Variants in ZYG11B observed in about 807,000 individuals in gnomAD.
The protein encoded by ZYG11B is zyg-11 family member B, cell cycle regulator, also known as protein zyg-11 homolog B.
A neutral mutation model predicts 82.4 loss-of-function variants in ZYG11B; 36 were observed. The ratio of observed to expected loss-of-function variants is 0.44; its 90% CI spans 0.33 to 0.58. The LOEUF (loss-of-function observed/expected upper bound fraction) is 0.58. Among genes scored for constraint, ZYG11B ranks in the 20% least tolerant of loss-of-function variants. ZYG11B has a pLI of 0.02. For synonymous variants in ZYG11B, 303 were observed against 312.8 expected (o/e 0.97, Z 0.33); for missense variants, 552 against 895.6 (o/e 0.62, Z 4.90).
At chr1:52,801,723 A>G (rs1645077160) in intron 8 of ZYG11B, 96 bp from the exon 9 acceptor site, 1 of 1,026,596 alleles carries the variant, frequency 9.7e-7, no homozygotes. Context: ...GCTTTAAGCC[A>G]TGAGACTAAT....
At chr1:52,817,635 C>T (rs1171029564) in intron 13 of ZYG11B, among the ~76,000 whole-genome samples, 2 of 150,656 alleles carry the variant, frequency 1.3e-5, no homozygotes, top group African/African-American at 2.4e-5. Context: ...ATCTGCCTGC[C>T]TCTTCCTCCC....
chr1:52,797,517 A>T (rs187679508), intron 8 of ZYG11B, among the ~76,000 whole-genome samples: 4,869 of 95,762 alleles, frequency 0.051, 281 homozygotes, highest in African/African-American at 0.15. Context: ...ATATATATAT[A>T]TTTTTTTTTA....
At chr1:52,803,682 G>T (rs796358937) in intron 10 of ZYG11B, among the ~76,000 whole-genome samples, 13 of 152,212 alleles carry the variant, frequency 8.5e-5, no homozygotes, top group African/African-American at 3.1e-4. Context: ...GCTCACTGCA[G>T]CCTTGACCTG....
chr1:52,768,663 C>T (rs902460837), intron 2 of ZYG11B, among the ~76,000 whole-genome samples: 10 of 148,168 alleles, frequency 6.7e-5, no homozygotes, highest in Admixed American at 3.4e-4. Flanking sequence ...GGCGCCATCT[C>T]GGCTCACTGC....
intron 8 of ZYG11B, among the ~76,000 whole-genome samples, chr1:52,797,478 G>GTT (rs1571787942): frequency 1.4e-5 from 1 of 73,076 alleles, no homozygotes; most frequent in African/African-American, 5.5e-5. Flanking sequence ...TATTATATAT[G>GTT]ATATATAATA....
chr1:52,800,319 A>C (rs186513743), intron 8 of ZYG11B, among the ~76,000 whole-genome samples: 6 of 151,930 alleles, frequency 3.9e-5, no homozygotes. Context: ...AGTATATGCT[A>C]AGTACGTAAC....
At chr1:52,747,673 A>T (rs1017894073) in intron 1 of ZYG11B, among the ~76,000 whole-genome samples, 2 of 152,130 alleles carry the variant, frequency 1.3e-5, no homozygotes, top group Admixed American at 6.6e-5. Context: ...CTACTTGAAG[A>T]GTTCATGGCT....
chr1:52,791,788 A>G (rs1267429481), intron 6 of ZYG11B, among the ~76,000 whole-genome samples: 2 of 152,250 alleles, frequency 1.3e-5, no homozygotes, highest in African/African-American at 2.4e-5. Context: ...GGATAAAAAT[A>G]TAACTACGTA....
rs1297523186 is a variant in ZYG11B, at chr1:52,784,927, G to C, written c.1143G>C (p.Leu381=). 1 of 1,613,958 alleles carries C rather than the reference G, an allele frequency of 6.2e-7. No homozygotes were observed. The highest frequency in any genetic ancestry group is 8.5e-7 in the Non-Finnish European group (1 of 1,180,004). Residue 381 remains leucine, a synonymous_variant, in exon 5 of 14, where the codon CTG becomes CTC. Coordinates refer to ENST00000294353, the MANE Select transcript of ZYG11B (RefSeq NM_024646.3). Reference sequence around the variant, plus strand: ...ACCCTATGAATTTGCCAGTGCAACTGGCTGCAAGCGCCTGTGTATTTAACT... The same window carrying C: ...ACCCTATGAATTTGCCAGTGCAACTCGCTGCAAGCGCCTGTGTATTTAACT... The part of the protein sequence containing the change: ...RNHPMNLPVQ[L]AASACVFNLT...
chr1:52,794,121 C>T (rs1331978114), intron 6 of ZYG11B, among the ~76,000 whole-genome samples: 3 of 151,860 alleles, frequency 2.0e-5, no homozygotes, highest in African/African-American at 4.8e-5. Flanking sequence ...ACTATAGGCG[C>T]GCACCACCAC....
chr1:52,771,817 T>C lies in ZYG11B; in HGVS notation c.951+43T>C. 2 of 1,562,292 alleles carry C rather than the reference T, an allele frequency of 1.3e-6. No homozygotes were observed. The highest frequency in any genetic ancestry group is 1.7e-6 in the Non-Finnish European group (2 of 1,155,640). Reference sequence around the variant, plus strand: ...TATTATTTTGTCAGGCTGACCAATATCTTAGTTGCATAAGACTCTATTAAA... The same window carrying C: ...TATTATTTTGTCAGGCTGACCAATACCTTAGTTGCATAAGACTCTATTAAA... On this transcript the variant is annotated intron_variant, in intron 3 of 13. Coordinates refer to ENST00000294353, the MANE Select transcript of ZYG11B (RefSeq NM_024646.3). The surrounding 1 kb of genome is among the most constrained non-coding windows in gnomAD (Gnocchi z 5.4).
chr1:52,821,569 C>T lies in ZYG11B; in HGVS notation c.2175C>T (p.His725=), dbSNP rs144559554. The change falls in exon 14 of 14, where the codon CAC becomes CAT. Residue 725 remains histidine, a synonymous_variant. Coordinates refer to ENST00000294353, the MANE Select transcript of ZYG11B (RefSeq NM_024646.3). ...CCATTCTGGATAGCTTAGAAAAACACATTGTGCGCCATGGGAGGCCACCTC... is the reference window on the plus strand; with the variant it reads ...CCATTCTGGATAGCTTAGAAAAACATATTGTGCGCCATGGGAGGCCACCTC... ...AVAILDSLEK[H]IVRHGRPPPC... The T allele has an allele frequency of 1.2e-6, 2 of 1,614,156 alleles. No individual in the cohort carries two copies. Among genetic ancestry groups the T allele is most frequent in the East Asian group, 4.5e-5 (2 of 44,880 alleles).
At chr1:52,793,902 T>TCC (rs67545939) in intron 6 of ZYG11B, among the ~76,000 whole-genome samples, 30 of 112,564 alleles carry the variant, frequency 2.7e-4, no homozygotes, top group East Asian at 1.5e-3. Context: ...CTTCCTTCCT[T>TCC]TCTTTCCTTT....
intron 10 of ZYG11B, among the ~76,000 whole-genome samples, chr1:52,808,869 T>C (rs955959357): frequency 1.3e-5 from 2 of 152,212 alleles, no homozygotes; most frequent in Non-Finnish European, 2.9e-5. Context: ...TCATCTGCAA[T>C]ATCTAATCTG....
chr1:52,764,218 G>A (rs975368948), intron 2 of ZYG11B, among the ~76,000 whole-genome samples: 2 of 151,986 alleles, frequency 1.3e-5, no homozygotes, highest in Admixed American at 6.6e-5. Flanking sequence ...CCGCCTCCCA[G>A]GTTCAAGTGA....
intron 8 of ZYG11B, among the ~76,000 whole-genome samples, chr1:52,800,980 A>C (rs1056624966): frequency 6.6e-6 from 1 of 152,210 alleles, no homozygotes; most frequent in South Asian, 2.1e-4. Flanking sequence ...CCAAAAGTAT[A>C]ATCTAAAAAT....
At chr1:52,776,219 T>TAAAAAAAAAAAAAAAAA (rs1165031214) in intron 3 of ZYG11B, among the ~76,000 whole-genome samples, 2 of 42,500 alleles carry the variant, frequency 4.7e-5, no homozygotes, top group African/African-American at 7.4e-5. Context: ...AACTCTGTCT[T>TAAAAAAAAAAAAAAAAA]AAAAAAAAAA....
At chr1:52,812,869 G>T (rs2149965125) in intron 10 of ZYG11B, among the ~76,000 whole-genome samples, 2 of 151,618 alleles carry the variant, frequency 1.3e-5, no homozygotes, top group South Asian at 4.2e-4. Flanking sequence ...TGAGATTACA[G>T]GCATGCACCA....
At chr1:52,750,419 TG>T (rs974637765) in intron 1 of ZYG11B, among the ~76,000 whole-genome samples, 1 of 152,126 alleles carries the variant, frequency 6.6e-6, no homozygotes, top group Non-Finnish European at 1.5e-5. Context: ...ATTACAGGCA[TG>T]GGCCACCATG....
Sources: gnomAD v4.1 joint callset for allele counts (sites outside exome capture counted in the v4.1 genomes callset) on GRCh38, gnomAD v4.1.1 for gene constraint, Gnocchi (gnomAD v3.1) non-coding constraint, MANE v1.5 for transcripts, NCBI Gene and HGNC (gene_info 2026-07-23, HGNC 2026-07-21) for gene names.